Variants in CNTNAP5 observed in about 807,000 individuals in gnomAD.
The protein encoded by CNTNAP5 is contactin-associated protein-like 5.
In CNTNAP5, 72 loss-of-function variants were observed where a neutral mutation model predicts 150.2. The observed-to-expected ratio is 0.48, with a 90% CI of 0.40 to 0.58. CNTNAP5 has a LOEUF of 0.58. Among genes scored for constraint, CNTNAP5 ranks in the 20% least tolerant of loss-of-function variants. CNTNAP5 has a pLI of 0.00. For synonymous variants in CNTNAP5, 672 were observed against 619.8 expected, an observed-to-expected ratio of 1.08 and a Z score of -1.25; for missense variants, 1,636 against 1,626.2, an observed-to-expected ratio of 1.01 and a Z score of -0.10.
chr2:124,781,209 T>A (rs1293993597), intron 17 of CNTNAP5, among the ~76,000 whole-genome samples: 1 of 152,170 alleles, frequency 6.6e-6, no homozygotes, highest in Non-Finnish European at 1.5e-5. Context: ...GTCATGGAGA[T>A]AAATAAGATC....
chr2:124,456,224 A>C (rs2104815663), intron 6 of CNTNAP5, among the ~76,000 whole-genome samples: 1 of 152,308 alleles, frequency 6.6e-6, no homozygotes, highest in South Asian at 2.1e-4. Context: ...AAGTTTCTGG[A>C]TAAAAAAATC....
chr2:124,184,185 G>C (rs139297266), intron 1 of CNTNAP5, among the ~76,000 whole-genome samples: 310 of 152,242 alleles, frequency 2.0e-3, no homozygotes, highest in Non-Finnish European at 3.3e-3. Flanking sequence ...AAGACTGAAA[G>C]CTTATTGGCT....
intron 1 of CNTNAP5, among the ~76,000 whole-genome samples, chr2:124,037,380 C>T (rs989330961): frequency 5.3e-5 from 8 of 152,202 alleles, no homozygotes; most frequent in Admixed American, 1.3e-4. Context: ...AAATTCTGCT[C>T]TCCCATGTTC....
chr2:124,280,677 G>C (rs1182044800), intron 3 of CNTNAP5, among the ~76,000 whole-genome samples: 1 of 152,014 alleles, frequency 6.6e-6, no homozygotes, highest in African/African-American at 2.4e-5. Flanking sequence ...GTGGCCTCTA[G>C]CTTTGGAGGC....
intron 3 of CNTNAP5, among the ~76,000 whole-genome samples, chr2:124,416,285 C>T (rs1433248736): frequency 4.0e-5 from 6 of 151,450 alleles, no homozygotes; most frequent in African/African-American, 1.2e-4. Context: ...TTTGGGGTAT[C>T]ATTTTCTGAG....
chr2:124,072,238 C>T (rs892849841), intron 1 of CNTNAP5, among the ~76,000 whole-genome samples: 4 of 151,626 alleles, frequency 2.6e-5, no homozygotes, highest in African/African-American at 9.7e-5. Flanking sequence ...ATAATAAATG[C>T]CATGTATGAC....
chr2:124,313,151 T>G (rs1405840583), intron 3 of CNTNAP5, among the ~76,000 whole-genome samples: 1 of 152,242 alleles, frequency 6.6e-6, no homozygotes, highest in East Asian at 1.9e-4. Context: ...ATCATCGATA[T>G]GTAACAGTCA....
intron 21 of CNTNAP5, among the ~76,000 whole-genome samples, chr2:124,893,452 T>C (rs920400140): frequency 1.3e-5 from 2 of 152,138 alleles, no homozygotes; most frequent in African/African-American, 2.4e-5. Context: ...TTCCATGACC[T>C]TTAAAATTTG....
chr2:124,239,394 G>C (rs1686829613), intron 2 of CNTNAP5, among the ~76,000 whole-genome samples: 2 of 152,134 alleles, frequency 1.3e-5, no homozygotes, highest in South Asian at 4.1e-4. Flanking sequence ...GGGTAAAAGA[G>C]AAACAGTTAA....
intron 13 of CNTNAP5, among the ~76,000 whole-genome samples, chr2:124,666,940 A>G (rs1029067052): frequency 2.6e-5 from 4 of 152,092 alleles, no homozygotes; most frequent in African/African-American, 9.7e-5. Context: ...GTGCATAACT[A>G]CAGCAAAGAA....
chr2:124,038,705 G>T (rs992135917), intron 1 of CNTNAP5, among the ~76,000 whole-genome samples: 2 of 152,080 alleles, frequency 1.3e-5, no homozygotes, highest in Admixed American at 1.3e-4. Context: ...TAGAATGAAG[G>T]GCCTAGAATC....
chr2:124,397,459 C>T (rs1483798855), intron 3 of CNTNAP5, among the ~76,000 whole-genome samples: 3 of 152,132 alleles, frequency 2.0e-5, no homozygotes, highest in East Asian at 3.9e-4. Flanking sequence ...AATTCCATCA[C>T]AGAGCATTCA....
At chr2:124,886,065 A>G (rs1388396137) in intron 21 of CNTNAP5, among the ~76,000 whole-genome samples, 1 of 152,098 alleles carries the variant, frequency 6.6e-6, no homozygotes, top group African/African-American at 2.4e-5. Context: ...ATTGTATATT[A>G]CAAACTGTGC....
chr2:124,046,198 G>A (rs1681530341), intron 1 of CNTNAP5, among the ~76,000 whole-genome samples: 1 of 152,018 alleles, frequency 6.6e-6, no homozygotes, highest in African/African-American at 2.4e-5. Flanking sequence ...GAAGAGAGTG[G>A]GAAAGAGCCC....
At chr2:124,159,004 T>G (rs771810220) in intron 1 of CNTNAP5, among the ~76,000 whole-genome samples, 5 of 152,222 alleles carry the variant, frequency 3.3e-5, no homozygotes, top group Admixed American at 6.5e-5. Flanking sequence ...TTCTTAATGG[T>G]CATTTCAAAC....
At chr2:124,651,070 T>A (rs1678310824) in intron 13 of CNTNAP5, among the ~76,000 whole-genome samples, 1 of 152,344 alleles carries the variant, frequency 6.6e-6, no homozygotes, top group South Asian at 2.1e-4. Context: ...AGTGCCCGTT[T>A]CCCAGCGATA....
chr2:124,829,407 C>T (rs1682666908), intron 19 of CNTNAP5, among the ~76,000 whole-genome samples: 1 of 152,154 alleles, frequency 6.6e-6, no homozygotes, highest in African/African-American at 2.4e-5. Flanking sequence ...AATTGGGCAG[C>T]ATGCTTACTT....
Position 124,909,323 on chromosome 2 carries a change from G to T in CNTNAP5, c.3656-2144G>T, listed in dbSNP as rs537701411. On this transcript the variant is annotated intron_variant, in intron 22 of 23. Transcript: ENST00000682447. ...CTTATAGTATTCACTACAGCAACAT[G>T]CTATACAGGCGTGTAGCCTGGGGGC... Among the ~76,000 whole-genome samples the T allele has an allele frequency of 2.6e-5, 4 of 152,176 alleles. No homozygotes were observed. The South Asian group carries it at 8.3e-4, about 31-fold the overall frequency.
At chr2:124,665,760 C>A (rs373040159) in intron 13 of CNTNAP5, among the ~76,000 whole-genome samples, 1 of 151,990 alleles carries the variant, frequency 6.6e-6, no homozygotes. Context: ...GTGGCGGGCA[C>A]CTGTAGTCCC....
Sources: allele counts gnomAD v4.1 joint callset (sites outside exome capture counted in the v4.1 genomes callset), GRCh38; gene constraint gnomAD v4.1.1; transcripts MANE v1.5; gene names NCBI Gene and HGNC (gene_info 2026-07-23, HGNC 2026-07-21).